Variants in CDK19 observed in about 807,000 individuals in gnomAD.
The protein encoded by CDK19 is cyclin dependent kinase 19, also known as cyclin-dependent kinase 19.
In CDK19, 20 loss-of-function variants were observed where a neutral mutation model predicts 68.3. The observed-to-expected ratio is 0.29, with a 90% CI of 0.21 to 0.43. CDK19 has a LOEUF of 0.43. CDK19 is among the 20% of genes least tolerant of loss of function. The probability of loss-of-function intolerance (pLI) is 1.00; values close to 1 mark genes in which losing one functional copy is unlikely to be tolerated. For missense variants in CDK19, 339 were observed against 623.5 expected, an observed-to-expected ratio of 0.54 and a Z score of 4.86; for synonymous variants, 221 against 222.8, an observed-to-expected ratio of 0.99 and a Z score of 0.07.
chr6:110,618,945 G>C (rs1362065680), intron 12 of CDK19, among the ~76,000 whole-genome samples: 1 of 152,136 alleles, frequency 6.6e-6, no homozygotes, highest in East Asian at 1.9e-4. Flanking sequence ...GCCCTAGCTA[G>C]TCACACCCAT....
intron 1 of CDK19, among the ~76,000 whole-genome samples, chr6:110,812,200 A>G (rs1783158993): frequency 6.6e-6 from 1 of 151,086 alleles, no homozygotes; most frequent in South Asian, 2.1e-4. Flanking sequence ...GGCTCACTGC[A>G]AGCTCCACCT....
intron 1 of CDK19, among the ~76,000 whole-genome samples, chr6:110,777,924 C>T (rs1347174515): frequency 6.6e-6 from 1 of 152,140 alleles, no homozygotes; most frequent in African/African-American, 2.4e-5. Flanking sequence ...CAGGTAGGTA[C>T]AGTAGTCAAA....
intron 8 of CDK19, among the ~76,000 whole-genome samples, chr6:110,626,346 A>G (rs766068241): frequency 5.9e-5 from 9 of 152,212 alleles, no homozygotes; most frequent in Non-Finnish European, 1.3e-4. Flanking sequence ...TTTTAAAAAG[A>G]TTAATTTAAC....
chr6:110,751,012 T>A (rs567281535), intron 1 of CDK19, among the ~76,000 whole-genome samples: 1 of 152,262 alleles, frequency 6.6e-6, no homozygotes, highest in East Asian at 1.9e-4. Context: ...ATTTTTGTAT[T>A]TTTGGTAGAG....
chr6:110,758,479 C>A (rs1317660358), intron 1 of CDK19, among the ~76,000 whole-genome samples: 2 of 152,134 alleles, frequency 1.3e-5, no homozygotes, highest in Non-Finnish European at 2.9e-5. Context: ...TACCCCATCC[C>A]CAAATGAGGA....
At chr6:110,807,898 C>T (rs1583149238) in intron 1 of CDK19, among the ~76,000 whole-genome samples, 1 of 151,742 alleles carries the variant, frequency 6.6e-6, no homozygotes, top group African/African-American at 2.4e-5. Flanking sequence ...GCCTCAAACT[C>T]CTGGGCTCAA....
At chr6:110,651,908 A>G (rs1313944739) in intron 4 of CDK19, among the ~76,000 whole-genome samples, 1 of 152,148 alleles carries the variant, frequency 6.6e-6, no homozygotes, top group Admixed American at 6.5e-5. Context: ...TAATAAATAA[A>G]TAAATAAAGC....
At chr6:110,691,428 C>G (rs1326591105) in intron 2 of CDK19, among the ~76,000 whole-genome samples, 1 of 151,020 alleles carries the variant, frequency 6.6e-6, no homozygotes, top group Non-Finnish European at 1.5e-5. Context: ...GAGCTGAGAT[C>G]ATGCCATTGC....
At chr6:110,778,991 A>G (rs547851745) in intron 1 of CDK19, among the ~76,000 whole-genome samples, 1 of 152,262 alleles carries the variant, frequency 6.6e-6, no homozygotes, top group East Asian at 1.9e-4. Flanking sequence ...CCAAAACTGG[A>G]CTTCAGTGTG....
chr6:110,764,952 A>AAAATAAATAAATAAAT (rs57218365), intron 1 of CDK19, among the ~76,000 whole-genome samples: 41,245 of 140,822 alleles, frequency 0.29, 6,396 homozygotes, highest in South Asian at 0.48. Flanking sequence ...CTCCATCTCA[A>AAAATAAATAAATAAAT]AAATAAATAA....
At chr6:110,694,691 G>T (rs180942947) in intron 2 of CDK19, among the ~76,000 whole-genome samples, 2 of 152,092 alleles carry the variant, frequency 1.3e-5, no homozygotes, top group African/African-American at 4.8e-5. Context: ...CAACAACTGC[G>T]GAGAATACGT....
chr6:110,672,905 T>G (rs1771143664), intron 2 of CDK19, among the ~76,000 whole-genome samples: 1 of 152,178 alleles, frequency 6.6e-6, no homozygotes, highest in Admixed American at 6.5e-5. Flanking sequence ...TCTTTTAATG[T>G]GGTAAAATAT....
At chr6:110,729,227 G>A (rs983545095) in intron 2 of CDK19, among the ~76,000 whole-genome samples, 3 of 152,192 alleles carry the variant, frequency 2.0e-5, no homozygotes, top group East Asian at 3.9e-4. Context: ...GCTTTTTACC[G>A]TTAACTGAAT....
rs180955701 is a variant in CDK19 at position 110,703,557 on chromosome 6, C to G, written c.205-33016G>C. 7.9e-5 allele frequency among the ~76,000 whole-genome samples: 12 copies of G among 152,178 alleles called. No individual in the cohort carries two copies. The East Asian group carries it at 2.3e-3, about 29-fold the overall frequency. On this transcript the variant is annotated intron_variant, in intron 2 of 12. Coordinates refer to ENST00000368911, the MANE Select transcript of CDK19 (RefSeq NM_015076.5). ...TTTGAATGAAACTGAAAAAATGAAC[C>G]TGCCAGGCACAGTGGTTCACACATC... is the stretch of plus-strand genomic sequence containing the variant.
Position 110,684,559 on chromosome 6 carries a change from T to G in CDK19, c.205-14018A>C, listed in dbSNP as rs182312167. The stretch of plus-strand genomic sequence containing the variant: ...TCTCCAAATTCTGTCCCTAGTTTTC[T>G]TGTCCTTCTCCATTCCACAGTTTTT... On this transcript the variant is annotated intron_variant, in intron 2 of 12. Transcript: ENST00000368911. Among the ~76,000 whole-genome samples the G allele has an allele frequency of 5.2e-3, 797 of 152,310 alleles. 6 individuals carry two copies. Among genetic ancestry groups the G allele is most frequent in the African/African-American group, 0.019 (775 of 41,556 alleles).
At chr6:110,653,403 C>G (rs990169878) in intron 4 of CDK19, among the ~76,000 whole-genome samples, 2 of 152,112 alleles carry the variant, frequency 1.3e-5, no homozygotes, top group Non-Finnish European at 2.9e-5. Context: ...CACACCTTCA[C>G]CCACATAAAA....
chr6:110,755,353 TATA>T (rs1188230094), intron 1 of CDK19, among the ~76,000 whole-genome samples: 17 of 152,274 alleles, frequency 1.1e-4, no homozygotes, highest in Admixed American at 4.6e-4. Context: ...TGTGAGTCTT[TATA>T]CAGAGAGACA....
intron 2 of CDK19, among the ~76,000 whole-genome samples, chr6:110,694,840 G>A (rs1773336473): frequency 1.3e-5 from 2 of 152,170 alleles, no homozygotes; most frequent in African/African-American, 4.8e-5. Context: ...AAATTGGCTG[G>A]GCATGGTGGC....
intron 5 of CDK19, among the ~76,000 whole-genome samples, chr6:110,634,094 C>A (rs1007171663): frequency 2.6e-5 from 4 of 152,166 alleles, no homozygotes; most frequent in Admixed American, 1.3e-4. Context: ...AAACTTTCAA[C>A]CACAGAATGT....
Sources: allele counts gnomAD v4.1 joint callset (sites outside exome capture counted in the v4.1 genomes callset), GRCh38; gene constraint gnomAD v4.1.1; transcripts MANE v1.5; gene names NCBI Gene and HGNC (gene_info 2026-07-23, HGNC 2026-07-21).